Variants in ARAP2 observed in about 807,000 individuals in gnomAD.
ARAP2 encodes ArfGAP with RhoGAP domain, ankyrin repeat and PH domain 2.
A neutral mutation model predicts 194.5 loss-of-function variants in ARAP2; 148 were observed. The observed-to-expected ratio is 0.76, with a 90% CI of 0.67 to 0.87. The LOEUF (loss-of-function observed/expected upper bound fraction) is 0.87. Ranked by LOEUF, ARAP2 falls within the 40% of genes least tolerant of loss-of-function variation. The pLI, the probability that ARAP2 is intolerant of heterozygous loss-of-function variation, is 0.00. For synonymous variants in ARAP2, 695 were observed against 683.5 expected, an observed-to-expected ratio of 1.02 and a Z score of -0.26; for missense variants, 2,128 against 1,989.7, an observed-to-expected ratio of 1.07 and a Z score of -1.32.
intron 27 of ARAP2, among the ~76,000 whole-genome samples, chr4:36,103,393 G>A (rs1201714524): frequency 6.6e-6 from 1 of 151,202 alleles, no homozygotes; most frequent in Non-Finnish European, 1.5e-5. Context: ...ATTTATTCTG[G>A]AGCCTTACAG....
intron 5 of ARAP2, among the ~76,000 whole-genome samples, chr4:36,022,175 G>A (rs1034964851): frequency 6.6e-6 from 1 of 152,188 alleles, no homozygotes; most frequent in Admixed American, 6.5e-5. Context: ...TGTGATGCAT[G>A]ACTATAGTGG....
Position 36,229,201 on chromosome 4 carries a change from G to C in ARAP2, c.286C>G (p.Pro96Ala). 1.2e-6 allele frequency: 2 copies of C among 1,614,120 alleles called. No individual in the cohort carries two copies. The highest frequency in any genetic ancestry group is 1.7e-6 in the Non-Finnish European group (2 of 1,180,002). The change falls in exon 2 of 33, where the codon CCA becomes GCA. Residue 96 changes from proline (P) to alanine (A), a missense_variant. Physicochemically the swap from Pro to Ala is conservative, Grantham distance 27 (BLOSUM62 -1). Coordinates refer to ENST00000303965, the MANE Select transcript of ARAP2 (RefSeq NM_015230.4). ...NDDPSKDYHV[P>A]SSDQNICIEL... The stretch of plus-strand genomic sequence containing the variant: ...ATGCAGATATTCTGATCAGAAGATG[G>C]AACATGGTAATCCTTTGAAGGGTCA...
chr4:36,221,472 G>A (rs2109312273), intron 2 of ARAP2, among the ~76,000 whole-genome samples: 1 of 151,888 alleles, frequency 6.6e-6, no homozygotes, highest in East Asian at 1.9e-4. Context: ...ATCAAACCTG[G>A]GCAGTCTTGT....
chr4:36,191,438 G>C (rs371785193), intron 7 of ARAP2, among the ~76,000 whole-genome samples: 1 of 151,266 alleles, frequency 6.6e-6, no homozygotes, highest in Non-Finnish European at 1.5e-5. Flanking sequence ...ATTCCCCAGA[G>C]GTGATCAAAA....
At chr4:36,081,275 T>G (rs1164679605) in intron 30 of ARAP2, among the ~76,000 whole-genome samples, 1 of 152,050 alleles carries the variant, frequency 6.6e-6, no homozygotes, top group Non-Finnish European at 1.5e-5. Context: ...TTTGGGGCAT[T>G]TGAGCTATGA....
chr4:36,123,887 T>C (rs972440497), intron 22 of ARAP2, among the ~76,000 whole-genome samples: 1 of 151,798 alleles, frequency 6.6e-6, no homozygotes, highest in African/African-American at 2.4e-5. Flanking sequence ...CATATGTCCC[T>C]TTAAATCTGA....
intron 8 of ARAP2, among the ~76,000 whole-genome samples, chr4:36,182,495 CTAAATAAA>C (rs71201004): frequency 0.012 from 1,621 of 140,778 alleles, 21 homozygotes; most frequent in African/African-American, 0.035. Flanking sequence ...GACTCCATCT[CTAAATAAA>C]TAAATAAATA....
intron 2 of ARAP2, among the ~76,000 whole-genome samples, chr4:36,220,337 T>C (rs946270098): frequency 5.3e-5 from 8 of 152,132 alleles, no homozygotes; most frequent in African/African-American, 1.9e-4. Context: ...GAAAAATTCC[T>C]ATTGCCAAGT....
In ARAP2 at chr4:36,083,422, A is replaced by G. The variant is rs1400471440; in HGVS notation, c.4454T>C (p.Leu1485Pro). The G allele has an allele frequency of 3.1e-6, 5 of 1,606,810 alleles. No individual in the cohort carries two copies. Among genetic ancestry groups the G allele is most frequent in the Non-Finnish European group, 4.2e-6 (5 of 1,177,038 alleles). The change falls in exon 29 of 33, where the codon CTC (leucine) becomes CCC (proline). Residue 1485 changes from leucine (L) to proline (P), a missense_variant. Physicochemically the swap from Leu to Pro is moderately conservative, Grantham distance 98. Transcript: ENST00000303965. ...TCCACGATAAAACTTCATGGAACTG[A>G]GAGAAAACATCTTGTCATGTTTACT... is the stretch of plus-strand genomic sequence containing the variant. ...KSSKHDKMFS[L>P]SSMKFYRGVK...
chr4:36,105,191 G>A (rs937724192), intron 27 of ARAP2, among the ~76,000 whole-genome samples: 1 of 151,886 alleles, frequency 6.6e-6, no homozygotes, highest in Admixed American at 6.6e-5. Flanking sequence ...ATTGTGATGA[G>A]CACCTATAAT....
intron 28 of ARAP2, among the ~76,000 whole-genome samples, chr4:36,089,262 G>T (rs753856748): frequency 4.1e-4 from 62 of 152,032 alleles, no homozygotes; most frequent in Admixed American, 7.2e-4. Flanking sequence ...TGGTTTCAAA[G>T]GTTTTAAAAA....
In ARAP2 at chr4:36,147,365, G is replaced by C; in HGVS notation, c.3200-6C>G. The C allele has an allele frequency of 6.2e-7, 1 of 1,612,506 alleles. No individual in the cohort carries two copies. Among genetic ancestry groups the C allele is most frequent in the Non-Finnish European group, 8.5e-7 (1 of 1,179,104 alleles). On this transcript the variant is annotated splice_polypyrimidine_tract_variant and splice_region_variant and intron_variant, in intron 18 of 32. Coordinates refer to ENST00000303965, the MANE Select transcript of ARAP2 (RefSeq NM_015230.4). Reference sequence around the variant, plus strand: ...TTGAACCATTGTGCTGATTGCTGAAGGGAGAATGAAAAGCAAAAATTTATT... The same window carrying C: ...TTGAACCATTGTGCTGATTGCTGAACGGAGAATGAAAAGCAAAAATTTATT...
chr4:36,057,198 G>GTT (rs776996821), intron 2 of ARAP2, among the ~76,000 whole-genome samples: 6 of 142,560 alleles, frequency 4.2e-5, no homozygotes, highest in Admixed American at 7.0e-5. Context: ...AATTGTAATT[G>GTT]TTTTTTTTTT....
intron 6 of ARAP2, among the ~76,000 whole-genome samples, chr4:36,195,939 T>A (rs1742995757): frequency 6.6e-6 from 1 of 152,218 alleles, no homozygotes; most frequent in South Asian, 2.1e-4. Flanking sequence ...AATATGGCAC[T>A]GAAAAAGAAT....
At chr4:36,205,976 C>G (rs1286971630) in intron 6 of ARAP2, among the ~76,000 whole-genome samples, 1 of 152,190 alleles carries the variant, frequency 6.6e-6, no homozygotes, top group Non-Finnish European at 1.5e-5. Flanking sequence ...TACTTTTTAT[C>G]AAGGATTTCG....
Position 36,157,866 on chromosome 4 carries a change from A to T in ARAP2, c.2752+864T>A, listed in dbSNP as rs576961474. ...AGAACTTCAAATCACATATATGAGG[A>T]TTAACACTCTACAGTGAGTTTGTCA... On this transcript the variant is annotated intron_variant, in intron 15 of 32. Transcript: ENST00000303965. Among the ~76,000 whole-genome samples, 507 of 152,214 alleles carry T rather than the reference A, an allele frequency of 3.3e-3. 2 individuals are homozygous for T. The highest frequency in any genetic ancestry group is 9.7e-3 in the African/African-American group (403 of 41,526).
intron 28 of ARAP2, 41 bp from the exon 29 acceptor site, chr4:36,083,491 A>C: frequency 7.6e-7 from 1 of 1,308,722 alleles, no homozygotes; most frequent in South Asian, 1.4e-5. Flanking sequence ...ATGGATTTAC[A>C]CATTTCCTTA....
At chr4:36,073,640 G>T (rs1257069526) in intron 32 of ARAP2, 49 bp downstream of exon 32, 2 of 1,583,774 alleles carry the variant, frequency 1.3e-6, no homozygotes, top group African/African-American at 1.4e-5. Context: ...TATGACACAG[G>T]AAAATATATT....
chr4:36,196,400 C>T (rs748400781), intron 6 of ARAP2, among the ~76,000 whole-genome samples: 6 of 152,148 alleles, frequency 3.9e-5, no homozygotes, highest in African/African-American at 1.4e-4. Flanking sequence ...CCCTCTCAGG[C>T]GCTCATAATG....
Sources: gnomAD v4.1 joint callset for allele counts (sites outside exome capture counted in the v4.1 genomes callset) on GRCh38, gnomAD v4.1.1 for gene constraint, MANE v1.5 for transcripts, NCBI Gene and HGNC (gene_info 2026-07-23, HGNC 2026-07-21) for gene names.